Variants in LHX3 observed in about 807,000 individuals in gnomAD.
LHX3 encodes the protein LIM homeobox 3.
Under a neutral mutation model 32.4 loss-of-function variants are expected in LHX3, and 21 were observed. The ratio of observed to expected loss-of-function variants is 0.65; its 90% confidence interval spans 0.46 to 0.93. The LOEUF is 0.93. LHX3 is among the 40% of genes least tolerant of loss of function. The pLI is 0.00. For synonymous variants in LHX3, 258 were observed against 246.8 expected, an observed-to-expected ratio of 1.05 and a Z score of -0.43; for missense variants, 626 against 560.0, an observed-to-expected ratio of 1.12 and a Z score of -1.19.
intron 1 of LHX3, among the ~76,000 whole-genome samples, chr9:136,201,882 G>C (rs778317851): frequency 2.0e-5 from 3 of 152,164 alleles, no homozygotes; most frequent in Non-Finnish European, 2.9e-5. Flanking sequence ...CTCGGAGCGG[G>C]GCGGCCCGAC....
At chr9:136,199,518 G>C (rs1831584864) in intron 3 of LHX3, among the ~76,000 whole-genome samples, 160 bp downstream of exon 3, 1 of 152,250 alleles carries the variant, frequency 6.6e-6, no homozygotes, top group African/African-American at 2.4e-5. Flanking sequence ...CCGTGACTCC[G>C]CCGTTCCCGG....
Position 136,203,121 on chromosome 9 carries a change from C to G in LHX3, c.79+1813G>C, listed in dbSNP as rs886063706. 148 of 1,419,612 alleles carry G rather than the reference C, an allele frequency of 1.0e-4. No individual in the cohort carries two copies. The East Asian group carries it at 4.5e-3, about 43-fold the overall frequency. 87.9% of individuals were successfully genotyped at this position (1,419,612 alleles called of 1,614,324 possible). A position where few individuals can be genotyped will look rare whatever the true frequency, so the allele number is the denominator to read the frequency against. ...ACGCCACCCCGCAATAGCCCCGAAC[C>G]GGCGTCCAAGCGACTCCGGGTGCTG... is the stretch of plus-strand genomic sequence containing the variant. On this transcript the variant is annotated intron_variant, in intron 1 of 5. Transcript: ENST00000371748.
Position 136,200,766 on chromosome 9 carries a change from G to C in LHX3, c.80-13C>G. 6.2e-7 allele frequency: 1 copy of C among 1,613,150 alleles called. No homozygotes were observed. The highest frequency in any genetic ancestry group is 8.5e-7 in the Non-Finnish European group (1 of 1,180,000). ...CACAGCGGGATCTCTGTGGGCACGAGGAAGTTCTGGGTCACCTCGTAGACC... is the reference window on the plus strand; with the variant it reads ...CACAGCGGGATCTCTGTGGGCACGACGAAGTTCTGGGTCACCTCGTAGACC... On this transcript the variant is annotated splice_polypyrimidine_tract_variant and intron_variant, in intron 1 of 5. Coordinates refer to ENST00000371748, the MANE Select transcript of LHX3 (RefSeq NM_178138.6).
intron 1 of LHX3, chr9:136,202,807 C>G (rs2131039461): frequency 9.9e-7 from 1 of 1,006,658 alleles, no homozygotes; most frequent in South Asian, 1.4e-5. Flanking sequence ...GGCTGAGGCG[C>G]CCAGGCGCGG....
intron 1 of LHX3, 53 bp downstream of exon 1, chr9:136,204,881 C>G: frequency 6.8e-7 from 1 of 1,470,922 alleles, no homozygotes; most frequent in Non-Finnish European, 9.3e-7. Flanking sequence ...CCCCCTTCCT[C>G]GCGCCTCTGC....
rs1886296 is a variant in LHX3 at position 136,200,434 on chromosome 9, A to T, written c.251+148T>A. 82 of 924,604 alleles carry T rather than the reference A, an allele frequency of 8.9e-5. 1 individual carries two copies. The highest frequency in any genetic ancestry group is 1.3e-4 in the Non-Finnish European group (78 of 596,836). The allele number at this position is 924,604 out of a possible 1,614,324, so 57.3% of individuals were successfully genotyped here. ...GCCCCACCCTTAATTTGGCCAGGCC[A>T]CAGGGTGCCCTGCCTGGGTGACAGG... On this transcript the variant is annotated intron_variant, in intron 2 of 5. Coordinates refer to ENST00000371748, the MANE Select transcript of LHX3 (RefSeq NM_178138.6).
intron 1 of LHX3, chr9:136,203,228 CGGGGCGGGGCGGGGCCGG>C: frequency 1.5e-6 from 1 of 668,678 alleles, no homozygotes; most frequent in Non-Finnish European, 1.9e-6. Flanking sequence ...GGCGGGGCCG[CGGGGCGGGGCGGGGCCGG>C]GGGTCGCGGA....
rs148996633 is a variant in LHX3, at chr9:136,197,690, C to A, written c.829G>T (p.Gly277Trp). The A allele has an allele frequency of 8.7e-6, 14 of 1,607,076 alleles. No homozygotes were observed. Among genetic ancestry groups the A allele is most frequent in the Non-Finnish European group, 1.2e-5 (14 of 1,179,610 alleles). The stretch of plus-strand genomic sequence containing the variant: ...CGGCCCAAGGCCTGGGTGGGTTCCC[C>A]CAAGCTCCCGTAGAGGCCATTGGCC... ...GPANGLYGSL[G>W]EPTQALGRPS... Residue 277 changes from glycine (G) to tryptophan (W), a missense_variant, in exon 6 of 6, where the codon GGG becomes TGG. Coordinates refer to ENST00000371748, the MANE Select transcript of LHX3 (RefSeq NM_178138.6).
rs537163695 is a variant in LHX3 at position 136,197,789 on chromosome 9, G to C, written c.776-46C>G. The C allele has an allele frequency of 9.4e-6, 15 of 1,590,068 alleles. No homozygotes were observed. The East Asian group carries it at 2.0e-4, about 21-fold the overall frequency. ...CAGTCAGCGCCTGCCCTCCACCTGC[G>C]GCCCCTCAGAGTCCCATCCTGCAGG... On this transcript the variant is annotated intron_variant, in intron 5 of 5. Coordinates refer to ENST00000371748, the MANE Select transcript of LHX3 (RefSeq NM_178138.6).
At chr9:136,198,356 GA>G (rs944260139) in intron 5 of LHX3, among the ~76,000 whole-genome samples, 32 of 152,216 alleles carry the variant, frequency 2.1e-4, no homozygotes, top group African/African-American at 7.5e-4. Context: ...AGGAGCCAGA[GA>G]GACGGCCTGG....
In LHX3 at chr9:136,200,848, A is replaced by G. The variant is rs1270967383; in HGVS notation, c.80-95T>C. ...CGCGAGCCAGTCTCCCCTCCGGCCC[A>G]CAGGACTCAGGGCTGCCGAGGGGTC... On this transcript the variant is annotated intron_variant, in intron 1 of 5. Transcript: ENST00000371748. The G allele has an allele frequency of 4.9e-6, 7 of 1,437,266 alleles. No homozygotes were observed. The East Asian group carries it at 1.2e-4, about 24-fold the overall frequency. 89.0% of individuals were successfully genotyped at this position (1,437,266 alleles called of 1,614,324 possible).
At chr9:136,203,073 C>T in intron 1 of LHX3, 1 of 1,502,264 alleles carries the variant, frequency 6.7e-7, no homozygotes, top group African/African-American at 1.5e-5. Context: ...ACTCTCCAGT[C>T]CCGAACTTTC....
chr9:136,200,919 C>G (rs1412134635), intron 1 of LHX3, among the ~76,000 whole-genome samples, 166 bp from the exon 2 acceptor site: 1 of 152,206 alleles, frequency 6.6e-6, no homozygotes, highest in Non-Finnish European at 1.5e-5. Context: ...TAAGTGGCCC[C>G]GCAAGTTCCG....
chr9:136,199,536 T>G lies in LHX3; in HGVS notation c.454+142A>C. 4 of 901,340 alleles carry G rather than the reference T, an allele frequency of 4.4e-6. No individual in the cohort carries two copies. In the Admixed American group the frequency reaches 8.0e-5, roughly 18 times the overall value. 55.8% of individuals were successfully genotyped at this position (901,340 alleles called of 1,614,324 possible). A position where few individuals can be genotyped will look rare whatever the true frequency, so the allele number is the denominator to read the frequency against. ...TGACTCCGCCGTTCCCGGCCTCGGCTTCCTGCTGCCTACACCGCCCTAGCC... is the reference window on the plus strand; with the variant it reads ...TGACTCCGCCGTTCCCGGCCTCGGCGTCCTGCTGCCTACACCGCCCTAGCC... On this transcript the variant is annotated intron_variant, in intron 3 of 5. Coordinates refer to ENST00000371748, the MANE Select transcript of LHX3 (RefSeq NM_178138.6).
chr9:136,199,305 T>G (rs1831578702), intron 3 of LHX3, among the ~76,000 whole-genome samples: 1 of 152,090 alleles, frequency 6.6e-6, no homozygotes. Flanking sequence ...GCGCCTTCCC[T>G]AAAATCGCAC....
intron 2 of LHX3, 151 bp from the exon 3 acceptor site, chr9:136,200,031 G>A (rs1379750970): frequency 1.3e-6 from 1 of 794,882 alleles, no homozygotes; most frequent in Non-Finnish European, 2.1e-6. Flanking sequence ...CTGGCCGCCG[G>A]GGCAGAGCTG....
At chr9:136,197,832 C>CTTTCTCTGACCCA in intron 5 of LHX3, 89 bp from the exon 6 acceptor site, 1 of 1,441,418 alleles carries the variant, frequency 6.9e-7, no homozygotes, top group Non-Finnish European at 9.5e-7. Flanking sequence ...ACCCCTGGGT[C>CTTTCTCTGACCCA]GGAGAAAGAG....
At chr9:136,202,273 C>G (rs1297879311) in intron 1 of LHX3, among the ~76,000 whole-genome samples, 3 of 152,176 alleles carry the variant, frequency 2.0e-5, no homozygotes, top group Admixed American at 6.5e-5. Flanking sequence ...GCCGGCCGGT[C>G]CCTCTCACTC....
chr9:136,201,089 A>G, intron 1 of LHX3: 1 of 1,395,356 alleles, frequency 7.2e-7, no homozygotes, highest in South Asian at 1.6e-5. Context: ...TGGAGCTCAA[A>G]TGAAAACCCC....
Sources: allele counts gnomAD v4.1 joint callset (sites outside exome capture counted in the v4.1 genomes callset), GRCh38; gene constraint gnomAD v4.1.1; transcripts MANE v1.5; gene names NCBI Gene and HGNC (gene_info 2026-07-23, HGNC 2026-07-21).